NPHP1: variants seen among roughly 807,000 people sequenced by gnomAD.
The protein encoded by NPHP1 is nephrocystin-1.
NPHP1 carries 70 observed loss-of-function variants against 90.4 expected under a neutral mutation model. The observed-to-expected ratio is 0.77, with a 90% confidence interval of 0.64 to 0.95. The LOEUF (loss-of-function observed/expected upper bound fraction) is 0.95. Ranked by LOEUF, NPHP1 falls within the 40% of genes least tolerant of loss-of-function variation. The probability of loss-of-function intolerance (pLI) is 0.00; values close to 1 mark genes in which losing one functional copy is unlikely to be tolerated. For synonymous variants in NPHP1, 256 were observed against 271.7 expected (o/e 0.94, Z 0.57); for missense variants, 764 against 795.9 (o/e 0.96, Z 0.48).
chr2:110,125,950 A>G (rs1679331046), intron 18 of NPHP1: 8 of 494,850 alleles, frequency 1.6e-5, no homozygotes, highest in South Asian at 1.3e-4. Context: ...GCGAAACACT[A>G]ACACATCCAT....
At chr2:110,126,625 A>G (rs1257056844) in intron 18 of NPHP1, 1 of 152,606 alleles carries the variant, frequency 6.6e-6, no homozygotes, top group African/African-American at 2.4e-5. Context: ...AGAGTGTTTT[A>G]CTAAACAGGC....
At chr2:110,150,559 A>G (rs1404572478) in intron 11 of NPHP1, among the ~76,000 whole-genome samples, 1 of 151,880 alleles carries the variant, frequency 6.6e-6, no homozygotes, top group Non-Finnish European at 1.5e-5. Context: ...TTATTTATTT[A>G]TTTGTTTAGA....
At chr2:110,142,078 A>G (rs763834268) in intron 16 of NPHP1, among the ~76,000 whole-genome samples, 2 of 152,088 alleles carry the variant, frequency 1.3e-5, no homozygotes, top group Non-Finnish European at 2.9e-5. Context: ...AGGTATTTAT[A>G]CCCATGAGAG....
intron 2 of NPHP1, among the ~76,000 whole-genome samples, chr2:110,191,092 G>A (rs1003448554): frequency 2.6e-5 from 4 of 152,136 alleles, no homozygotes; most frequent in Non-Finnish European, 4.4e-5. Context: ...AGTGAGTGAC[G>A]CAGAAGATGA....
At chr2:110,171,274 A>C (rs1357926058) in intron 4 of NPHP1, among the ~76,000 whole-genome samples, 2 of 152,202 alleles carry the variant, frequency 1.3e-5, no homozygotes, top group Non-Finnish European at 2.9e-5. Flanking sequence ...GGGAGCACCT[A>C]CTGTGTGACA....
chr2:110,125,181 C>A (rs926432699), intron 19 of NPHP1: 1 of 1,530,136 alleles, frequency 6.5e-7, no homozygotes, highest in Admixed American at 2.0e-5. Context: ...AGTCAAACCA[C>A]GACTCACCGA....
At chr2:110,196,468 C>A in intron 2 of NPHP1, among the ~76,000 whole-genome samples, 1 of 152,214 alleles carries the variant, frequency 6.6e-6, no homozygotes, top group African/African-American at 2.4e-5. Context: ...CCATCTCACA[C>A]CAGTTAGAAT....
In NPHP1 at chr2:110,161,762, T is replaced by C. The variant is rs1574121763; in HGVS notation, c.860-65A>G. 9 of 1,205,176 alleles carry C rather than the reference T, an allele frequency of 7.5e-6. No homozygotes were observed. The East Asian group carries it at 1.2e-4, about 17-fold the overall frequency. 74.7% of individuals were successfully genotyped at this position (1,205,176 alleles called of 1,614,324 possible). A position where few individuals can be genotyped will look rare whatever the true frequency, so the allele number is the denominator to read the frequency against. On this transcript the variant is annotated intron_variant, in intron 9 of 19. Coordinates refer to ENST00000445609, the MANE Select transcript of NPHP1 (RefSeq NM_001128178.3). Reference sequence around the variant, plus strand: ...GAAACTCCAAATCAAAAATCCATAATGTTATGCTATGAACTAGAGTACAGG... The same window carrying C: ...GAAACTCCAAATCAAAAATCCATAACGTTATGCTATGAACTAGAGTACAGG...
At chr2:110,162,912 G>A in intron 9 of NPHP1, 136 bp downstream of exon 9, 1 of 715,352 alleles carries the variant, frequency 1.4e-6, no homozygotes, top group Non-Finnish European at 2.5e-6. Flanking sequence ...TAGGAAGGAT[G>A]AGGAAAAGAT....
chr2:110,197,926 A>G (rs1685281051), intron 2 of NPHP1, among the ~76,000 whole-genome samples: 1 of 152,198 alleles, frequency 6.6e-6, no homozygotes, highest in Non-Finnish European at 1.5e-5. Context: ...TACCTCCTTT[A>G]TAACTATGTA....
chr2:110,135,043 A>G (rs1680067089), intron 16 of NPHP1, among the ~76,000 whole-genome samples: 1 of 152,140 alleles, frequency 6.6e-6, no homozygotes, highest in Non-Finnish European at 1.5e-5. Context: ...ATATATGTAG[A>G]AAACCCTAAA....
At chr2:110,146,342 C>T (rs796841579) in intron 14 of NPHP1, among the ~76,000 whole-genome samples, 39 of 152,034 alleles carry the variant, frequency 2.6e-4, no homozygotes, top group African/African-American at 8.9e-4. Context: ...AATCATTTAC[C>T]GTGGTTGCCA....
chr2:110,181,911 G>C lies in NPHP1; in HGVS notation c.144-2227C>G, dbSNP rs575921612. Reference sequence around the variant, plus strand: ...ATCATGATAAACCAATACAGGAGCTGATAGCCAGAACAGCCAATTAAGAGA... The same window carrying C: ...ATCATGATAAACCAATACAGGAGCTCATAGCCAGAACAGCCAATTAAGAGA... On this transcript the variant is annotated intron_variant, in intron 2 of 19. Transcript: ENST00000445609. Among the ~76,000 whole-genome samples the C allele has an allele frequency of 1.5e-4, 23 of 152,264 alleles. No homozygotes were observed. The East Asian group carries it at 4.4e-3, about 29-fold the overall frequency.
At chr2:110,195,381 T>A (rs866466988) in intron 2 of NPHP1, among the ~76,000 whole-genome samples, 8 of 152,146 alleles carry the variant, frequency 5.3e-5, no homozygotes, top group African/African-American at 1.9e-4. Context: ...GAGAGCCAAA[T>A]CATGACTGAA....
At chr2:110,160,047 A>G (rs1574117310) in intron 11 of NPHP1, 80 bp downstream of exon 11, 1 of 1,438,512 alleles carries the variant, frequency 7.0e-7, no homozygotes, top group East Asian at 2.3e-5. Context: ...GGAATTGGGG[A>G]GGAGTTGAAT....
chr2:110,153,486 G>A (rs1681641420), intron 11 of NPHP1, among the ~76,000 whole-genome samples: 1 of 152,142 alleles, frequency 6.6e-6, no homozygotes, highest in Admixed American at 6.5e-5. Context: ...AAATATTTAA[G>A]ACAACTATAT....
chr2:110,201,633 A>C, intron 1 of NPHP1, 139 bp from the exon 2 acceptor site: 2 of 646,364 alleles, frequency 3.1e-6, no homozygotes, highest in South Asian at 3.7e-5. Context: ...GTGAAAACCC[A>C]TATACCCGCT....
At chr2:110,140,310 A>G (rs1019572319) in intron 16 of NPHP1, among the ~76,000 whole-genome samples, 7 of 152,132 alleles carry the variant, frequency 4.6e-5, no homozygotes, top group Admixed American at 3.9e-4. Flanking sequence ...TCACACTAGC[A>G]GGGAGAGCTC....
At chr2:110,132,999 A>G (rs1315794425) in intron 16 of NPHP1, among the ~76,000 whole-genome samples, 2 of 152,170 alleles carry the variant, frequency 1.3e-5, no homozygotes, top group African/African-American at 2.4e-5. Context: ...TAAGAACAAA[A>G]AAAGCTATAA....
Sources: gnomAD v4.1 joint callset for allele counts (sites outside exome capture counted in the v4.1 genomes callset) on GRCh38, gnomAD v4.1.1 for gene constraint, MANE v1.5 for transcripts, NCBI Gene and HGNC (gene_info 2026-07-23, HGNC 2026-07-21) for gene names.